SRBD1: variants seen among roughly 807,000 people sequenced by gnomAD.
SRBD1 encodes S1 RNA-binding domain-containing protein 1.
In SRBD1, 88 loss-of-function variants were observed where a neutral mutation model predicts 115.3. That is an observed-to-expected ratio of 0.76 (90% CI 0.64 to 0.91). The LOEUF is 0.91. Among genes scored for constraint, SRBD1 ranks in the 40% least tolerant of loss-of-function variants. The pLI is 0.00. For missense variants in SRBD1, 1,385 were observed against 1,177.4 expected (o/e 1.18, Z -2.58); for synonymous variants, 509 against 407.7 (o/e 1.25, Z -2.99).
chr2:45,460,850 C>T (rs950481736), intron 16 of SRBD1, among the ~76,000 whole-genome samples: 1 of 152,094 alleles, frequency 6.6e-6, no homozygotes, highest in Admixed American at 6.6e-5. Context: ...GAAGTTATGC[C>T]TACAATCCAA....
intron 17 of SRBD1, among the ~76,000 whole-genome samples, chr2:45,419,053 T>A (rs948527319): frequency 6.6e-6 from 1 of 152,202 alleles, no homozygotes; most frequent in South Asian, 2.1e-4. Context: ...AAAGACTATA[T>A]CATTAGGTAG....
At chr2:45,592,651 A>T (rs1455120827) in intron 4 of SRBD1, among the ~76,000 whole-genome samples, 1 of 152,194 alleles carries the variant, frequency 6.6e-6, no homozygotes, top group Non-Finnish European at 1.5e-5. Flanking sequence ...CAGATTTGAC[A>T]TCAGTAACTT....
At chr2:45,486,402 G>A in intron 15 of SRBD1, among the ~76,000 whole-genome samples, 1 of 152,108 alleles carries the variant, frequency 6.6e-6, no homozygotes, top group African/African-American at 2.4e-5. Flanking sequence ...TACTGGCTAT[G>A]TGGCCTTTTT....
intron 14 of SRBD1, among the ~76,000 whole-genome samples, chr2:45,510,721 A>G (rs527663546): frequency 6.6e-6 from 1 of 152,358 alleles, no homozygotes; most frequent in South Asian, 2.1e-4. Context: ...TTCTGTCCCT[A>G]AGGATTCTAG....
intron 4 of SRBD1, among the ~76,000 whole-genome samples, chr2:45,598,914 C>A (rs1336115741): frequency 6.6e-6 from 1 of 152,154 alleles, no homozygotes; most frequent in Non-Finnish European, 1.5e-5. Context: ...CCAATACTGT[C>A]CCCAAAGCCA....
At chr2:45,442,916 G>T (rs1299784430) in intron 16 of SRBD1, among the ~76,000 whole-genome samples, 5 of 152,082 alleles carry the variant, frequency 3.3e-5, no homozygotes, top group Admixed American at 6.6e-5. Context: ...GTCCCTAAAA[G>T]TAAGTTTGTA....
At chr2:45,581,838 C>G (rs766118986) in intron 5 of SRBD1, 28 bp from the exon 6 acceptor site, 1 of 1,546,964 alleles carries the variant, frequency 6.5e-7, no homozygotes, top group South Asian at 1.1e-5. Context: ...TGTAATATAC[C>G]AAAACTGTAT....
At chr2:45,403,735 A>G (rs1410186587) in intron 19 of SRBD1, among the ~76,000 whole-genome samples, 1 of 152,106 alleles carries the variant, frequency 6.6e-6, no homozygotes, top group Non-Finnish European at 1.5e-5. Context: ...GCCTATTATG[A>G]GTAAGTGGGG....
At position 45,569,876 on chromosome 2, in the gene SRBD1, T is replaced by C. The variant is rs1672955666; in HGVS notation, c.1305+3331A>G. Among the ~76,000 whole-genome samples the C allele has an allele frequency of 1.3e-5, 2 of 152,338 alleles. 1 individual carries two copies. Among genetic ancestry groups the C allele is most frequent in the Admixed American group, 1.3e-4 (2 of 15,302 alleles). On this transcript the variant is annotated intron_variant, in intron 9 of 20. Transcript: ENST00000263736. Reference sequence around the variant, plus strand: ...AATGCAAACAAAAGTGATTATACCATGCCAAGCTATCCTTCAAGTGTTAAG... The same window carrying C: ...AATGCAAACAAAAGTGATTATACCACGCCAAGCTATCCTTCAAGTGTTAAG...
intron 16 of SRBD1, among the ~76,000 whole-genome samples, chr2:45,476,690 T>C (rs1219823960): frequency 6.6e-6 from 1 of 152,244 alleles, no homozygotes; most frequent in Non-Finnish European, 1.5e-5. Flanking sequence ...CCACCATTTT[T>C]ATAATAATGT....
chr2:45,423,121 G>A (rs1458705398), intron 16 of SRBD1, among the ~76,000 whole-genome samples: 2 of 152,008 alleles, frequency 1.3e-5, no homozygotes, highest in Non-Finnish European at 2.9e-5. Flanking sequence ...TAAAAATGAC[G>A]GACCCCAGAT....
At chr2:45,441,203 G>C (rs1303604645) in intron 16 of SRBD1, among the ~76,000 whole-genome samples, 3 of 152,084 alleles carry the variant, frequency 2.0e-5, no homozygotes, top group Non-Finnish European at 2.9e-5. Context: ...GAAAGGAAAG[G>C]TTTCCTTTCG....
intron 19 of SRBD1, among the ~76,000 whole-genome samples, chr2:45,402,002 G>A (rs1349358716): frequency 6.6e-6 from 1 of 152,182 alleles, no homozygotes; most frequent in Non-Finnish European, 1.5e-5. Context: ...TCCTTGAACA[G>A]GAATGGGAAA....
chr2:45,488,099 C>T (rs1670174112), intron 15 of SRBD1, 141 bp downstream of exon 15: 3 of 679,386 alleles, frequency 4.4e-6, no homozygotes, highest in African/African-American at 1.8e-5. Context: ...TCCAATTAAC[C>T]ACTTTCTTTC....
chr2:45,454,234 A>G (rs1669084572), intron 16 of SRBD1, among the ~76,000 whole-genome samples: 1 of 151,908 alleles, frequency 6.6e-6, no homozygotes, highest in African/African-American at 2.4e-5. Flanking sequence ...CCCCATTGTC[A>G]ATGTGTAAGA....
intron 16 of SRBD1, among the ~76,000 whole-genome samples, chr2:45,435,176 A>G (rs1487423921): frequency 6.6e-6 from 1 of 152,092 alleles, no homozygotes; most frequent in African/African-American, 2.4e-5. Flanking sequence ...TCTATCACTG[A>G]TGGACATCTG....
At chr2:45,414,242 A>T (rs1172259236) in intron 18 of SRBD1, among the ~76,000 whole-genome samples, 1 of 152,168 alleles carries the variant, frequency 6.6e-6, no homozygotes. Flanking sequence ...TAAGGACTTA[A>T]GTATAACCCA....
intron 16 of SRBD1, among the ~76,000 whole-genome samples, chr2:45,461,935 CTT>C (rs1455620043): frequency 2.0e-5 from 3 of 152,120 alleles, no homozygotes; most frequent in Non-Finnish European, 4.4e-5. Flanking sequence ...ATCCTCCTCC[CTT>C]TTTTCTCTTC....
intron 14 of SRBD1, among the ~76,000 whole-genome samples, chr2:45,493,089 C>CA (rs1670348542): frequency 6.6e-6 from 1 of 152,106 alleles, no homozygotes; most frequent in Non-Finnish European, 1.5e-5. Flanking sequence ...TTCTGCCTAT[C>CA]AAAAATGAAG....
Sources: allele counts gnomAD v4.1 joint callset (sites outside exome capture counted in the v4.1 genomes callset), GRCh38; gene constraint gnomAD v4.1.1; transcripts MANE v1.5; gene names NCBI Gene and HGNC (gene_info 2026-07-23, HGNC 2026-07-21).